The following TP53BP2 variants were observed in gnomAD, a reference collection of about 807,000 sequenced individuals.
TP53BP2 encodes the protein tumor protein p53 binding protein 2.
Under a neutral mutation model 126.2 loss-of-function variants are expected in TP53BP2, and 62 were observed. The ratio of observed to expected loss-of-function variants is 0.49; its 90% CI spans 0.40 to 0.61. The LOEUF is 0.61. TP53BP2 is among the 20% of genes least tolerant of loss of function. The pLI is 0.00. For synonymous variants in TP53BP2, 485 were observed against 502.9 expected (o/e 0.96, Z 0.48); for missense variants, 1,215 against 1,402.8 (o/e 0.87, Z 2.14).
chr1:223,824,551 C>T (rs893795046), intron 1 of TP53BP2, among the ~76,000 whole-genome samples: 3 of 152,136 alleles, frequency 2.0e-5, no homozygotes, highest in African/African-American at 7.2e-5. Flanking sequence ...AGTAATGTCA[C>T]CTCTCTGAAA....
At chr1:223,812,081 A>G (rs1571859359) in intron 3 of TP53BP2, among the ~76,000 whole-genome samples, 1 of 152,054 alleles carries the variant, frequency 6.6e-6, no homozygotes, top group East Asian at 1.9e-4. Context: ...AAAAAAAAAG[A>G]AAAAAGCCTA....
chr1:223,803,353 A>G lies in TP53BP2; in HGVS notation c.749T>C (p.Met250Thr). ...KVEELTRQLEMLKNGRIDSHH... is the reference protein window; with the variant it reads ...KVEELTRQLETLKNGRIDSHH... ...GCTGTCGATCCTGCCGTTCTTGAGC[A>G]TCTCTAGCTGCCTGGTCAGTTCTTC... The change falls in exon 7 of 18, where the codon ATG becomes ACG. Residue 250 changes from methionine to threonine, a missense_variant. Physicochemically the swap from Met to Thr is moderately conservative, Grantham distance 81. Coordinates refer to ENST00000343537, the MANE Select transcript of TP53BP2 (RefSeq NM_001031685.3). 1 of 1,614,044 alleles carries G rather than the reference A, an allele frequency of 6.2e-7. No individual in the cohort carries two copies. Among genetic ancestry groups the G allele is most frequent in the African/African-American group, 1.3e-5 (1 of 75,054 alleles).
In TP53BP2 at chr1:223,821,332, C is replaced by G. The variant is rs781537549; in HGVS notation, c.63G>C (p.Gln21His). The change falls in exon 2 of 18, where the codon CAG becomes CAC. Residue 21 changes from glutamine (Q) to histidine (H), a missense_variant. This residue lies in a region of TP53BP2 where 814 missense variants were observed against 853.0 expected (regional missense o/e 0.95). Coordinates refer to ENST00000343537, the MANE Select transcript of TP53BP2 (RefSeq NM_001031685.3). ...GAGTAACTGGAACTTCTGTGAAGTG[C>G]TGCTCATTGTTACTGAGATACACGG... ...FLTVYLSNNE[Q>H]HFTEVPVTPE... 2 of 1,614,000 alleles carry G rather than the reference C, an allele frequency of 1.2e-6. No individual in the cohort carries two copies. Among genetic ancestry groups the G allele is most frequent in the African/African-American group, 2.7e-5 (2 of 75,046 alleles).
chr1:223,836,345 G>A (rs542759105), intron 1 of TP53BP2, among the ~76,000 whole-genome samples: 7 of 152,342 alleles, frequency 4.6e-5, no homozygotes, highest in African/African-American at 1.7e-4. Context: ...TGAACCACGA[G>A]GTGACCGGAT....
At chr1:223,812,263 G>A (rs1419425490) in intron 3 of TP53BP2, among the ~76,000 whole-genome samples, 1 of 152,134 alleles carries the variant, frequency 6.6e-6, no homozygotes, top group East Asian at 1.9e-4. Flanking sequence ...CATCTGTAGG[G>A]TAGAAGGGGC....
rs548520204 is a variant in TP53BP2, at chr1:223,795,928, C to G, written c.2611G>C (p.Glu871Gln). ...APHVLDVYLE[E>Q]YPPYPPPPYP... ...GGTGGGGGTGGGTATGGAGGGTACT[C>G]CTCCAGGTACACATCAAGCACATGT... The change falls in exon 13 of 18, where the codon GAG becomes CAG. Residue 871 changes from glutamate (E) to glutamine (Q), a missense_variant. Glu to Gln is a conservative substitution (Grantham distance 29). Transcript: ENST00000343537. The G allele has an allele frequency of 6.2e-7, 1 of 1,614,026 alleles. No homozygotes were observed. Among genetic ancestry groups the G allele is most frequent in the Non-Finnish European group, 8.5e-7 (1 of 1,179,986 alleles).
chr1:223,825,686 T>C (rs1474242731), intron 1 of TP53BP2, among the ~76,000 whole-genome samples: 1 of 152,208 alleles, frequency 6.6e-6, no homozygotes, highest in Non-Finnish European at 1.5e-5. Context: ...CTGCTATATG[T>C]CTCTGTTCTA....
At chr1:223,783,324 G>T (rs965238285) in intron 17 of TP53BP2, among the ~76,000 whole-genome samples, 10 of 152,194 alleles carry the variant, frequency 6.6e-5, no homozygotes, top group South Asian at 4.1e-4. Flanking sequence ...CAACGTAGAG[G>T]CCAGTGCTCA....
chr1:223,793,399 G>C lies in TP53BP2; in HGVS notation c.2766C>G (p.Ile922Met). The change falls in exon 14 of 18, where the codon ATC becomes ATG. Residue 922 changes from isoleucine to methionine, a missense_variant. Coordinates refer to ENST00000343537, the MANE Select transcript of TP53BP2 (RefSeq NM_001031685.3). Reference sequence around the variant, plus strand: ...TGAATTTCACCCTCATTCCATGAGCGATACGCTCTGAGCCAGTTTTACGCA... The same window carrying C: ...TGAATTTCACCCTCATTCCATGAGCCATACGCTCTGAGCCAGTTTTACGCA... ...TNLRKTGSER[I>M]AHGMRVKFNP... The C allele has an allele frequency of 2.5e-6, 4 of 1,605,784 alleles. No homozygotes were observed. The highest frequency in any genetic ancestry group is 1.1e-5 in the South Asian group (1 of 88,798).
chr1:223,821,099 G>A (rs542809162), intron 2 of TP53BP2, 121 bp downstream of exon 2: 73 of 1,253,576 alleles, frequency 5.8e-5, no homozygotes, highest in Non-Finnish European at 7.0e-5. Context: ...TATTTCTGCC[G>A]GACGTGCTAT....
chr1:223,812,017 G>A (rs1253743314), intron 3 of TP53BP2, among the ~76,000 whole-genome samples: 1 of 144,896 alleles, frequency 6.9e-6, no homozygotes, highest in Non-Finnish European at 1.5e-5. Context: ...TGCATGTGAT[G>A]TAAATAGAGA....
chr1:223,799,855 T>C, intron 11 of TP53BP2, 44 bp downstream of exon 11: 5 of 1,530,552 alleles, frequency 3.3e-6, no homozygotes, highest in Admixed American at 2.2e-5. Flanking sequence ...AACTGCATTA[T>C]AGAATTACTA....
chr1:223,825,031 AC>A, intron 1 of TP53BP2, among the ~76,000 whole-genome samples: 1 of 150,978 alleles, frequency 6.6e-6, no homozygotes, highest in South Asian at 2.1e-4. Context: ...CACCAAACAC[AC>A]ACACACACAC....
rs1028998642 is a variant in TP53BP2 at position 223,796,959 on chromosome 1, G to A, written c.1949-369C>T. Among the ~76,000 whole-genome samples, 4 of 152,180 alleles carry A rather than the reference G, an allele frequency of 2.6e-5. No homozygotes were observed. The highest frequency in any genetic ancestry group is 2.9e-5 in the Non-Finnish European group (2 of 68,022). ...ATGTGTCCAGATTAAAACTAAACAT[G>A]TACTATCCCATCTTTCACTTTTCAA... On this transcript the variant is annotated intron_variant, in intron 12 of 17. Coordinates refer to ENST00000343537, the MANE Select transcript of TP53BP2 (RefSeq NM_001031685.3). The surrounding 1 kb of genome is among the most constrained non-coding windows in gnomAD (Gnocchi z 4.2).
In TP53BP2 at chr1:223,796,391, G is replaced by A; in HGVS notation, c.2148C>T (p.Tyr716=). 6.2e-7 allele frequency: 1 copy of A among 1,614,190 alleles called. No homozygotes were observed. The highest frequency in any genetic ancestry group is 8.5e-7 in the Non-Finnish European group (1 of 1,180,042). Residue 716 remains tyrosine (Y), a synonymous_variant, in exon 13 of 18, where the codon TAC becomes TAT. Coordinates refer to ENST00000343537, the MANE Select transcript of TP53BP2 (RefSeq NM_001031685.3). This position sits in a 1 kb window ranked among gnomAD's most constrained non-coding sequence, Gnocchi z 4.2. ...CTAGGTCAGCATCACTCTGGTTTCGGTAAGGATTAGATAAGAAAGGCAGTA... is the reference window on the plus strand; with the variant it reads ...CTAGGTCAGCATCACTCTGGTTTCGATAAGGATTAGATAAGAAAGGCAGTA... The part of the protein sequence containing the change: ...TKLLPFLSNP[Y]RNQSDADLEA...
At chr1:223,820,709 C>T (rs1448841954) in intron 2 of TP53BP2, among the ~76,000 whole-genome samples, 1 of 152,208 alleles carries the variant, frequency 6.6e-6, no homozygotes, top group Non-Finnish European at 1.5e-5. Flanking sequence ...ATTACTCCCA[C>T]ATCTACCACC....
Position 223,798,520 on chromosome 1 carries a change from G to A in TP53BP2, c.1643C>T (p.Thr548Ile). 6.2e-7 allele frequency: 1 copy of A among 1,614,212 alleles called. No homozygotes were observed. Among genetic ancestry groups the A allele is most frequent in the South Asian group, 1.1e-5 (1 of 91,084 alleles). ...QLSTVVPSMG[T>I]KPKPAGQQPR... The stretch of plus-strand genomic sequence containing the variant: ...CTGCTGCCCTGCTGGTTTTGGTTTA[G>A]TTCCCATGGACGGAACAACTGTTGA... The change falls in exon 12 of 18, where the codon ACT becomes ATT. Residue 548 changes from threonine (T) to isoleucine (I), a missense_variant. Thr to Ile is a moderately conservative substitution (Grantham distance 89). Around this residue, in one of 4 missense-constraint regions of TP53BP2, gnomAD observed 814 missense variants for 853.0 expected, o/e 0.95. Coordinates refer to ENST00000343537, the MANE Select transcript of TP53BP2 (RefSeq NM_001031685.3).
intron 1 of TP53BP2, among the ~76,000 whole-genome samples, chr1:223,840,699 CT>C (rs1337335275): frequency 1.3e-5 from 2 of 152,172 alleles, no homozygotes; most frequent in Non-Finnish European, 2.9e-5. Flanking sequence ...GTTTTATTGT[CT>C]GCTGAGGCGG....
chr1:223,807,083 A>T, intron 4 of TP53BP2, 136 bp from the exon 5 acceptor site: 1 of 587,730 alleles, frequency 1.7e-6, no homozygotes, highest in Non-Finnish European at 3.0e-6. Context: ...TTCTTTCATA[A>T]TATCAAGCAG....
Sources: gnomAD v4.1 joint callset for allele counts (sites outside exome capture counted in the v4.1 genomes callset) on GRCh38, gnomAD v4.1.1 for gene constraint, gnomAD v4.1.1 regional missense constraint, Gnocchi (gnomAD v3.1) non-coding constraint, MANE v1.5 for transcripts, NCBI Gene and HGNC (gene_info 2026-07-23, HGNC 2026-07-21) for gene names.